PEBP4: variants seen among roughly 807,000 people sequenced by gnomAD.
PEBP4 encodes phosphatidylethanolamine-binding protein 4.
PEBP4 carries 22 observed loss-of-function variants against 23.9 expected under a neutral mutation model. The ratio of observed to expected loss-of-function variants is 0.92; its 90% CI spans 0.66 to 1.31. The LOEUF is 1.31. PEBP4 is among the 40% of genes most tolerant of loss of function. The pLI, the probability that PEBP4 is intolerant of heterozygous loss-of-function variation, is 0.00. For missense variants in PEBP4, 324 were observed against 281.7 expected (o/e 1.15, Z -1.07); for synonymous variants, 112 against 99.3 (o/e 1.13, Z -0.76).
At chr8:22,892,879 A>C (rs964068050) in intron 3 of PEBP4, among the ~76,000 whole-genome samples, 4 of 152,356 alleles carry the variant, frequency 2.6e-5, no homozygotes, top group African/African-American at 9.6e-5. Flanking sequence ...TCTAGGCAGC[A>C]GTACAGAAAG....
chr8:22,900,939 A>T (rs1808698574), intron 3 of PEBP4, among the ~76,000 whole-genome samples: 2 of 152,178 alleles, frequency 1.3e-5, no homozygotes, highest in Admixed American at 6.5e-5. Context: ...ACCGCCACAC[A>T]TCAGAAGGAC....
At chr8:22,818,751 G>A (rs1186259879) in intron 3 of PEBP4, among the ~76,000 whole-genome samples, 1 of 152,212 alleles carries the variant, frequency 6.6e-6, no homozygotes, top group African/African-American at 2.4e-5. Context: ...CAGTAGCATG[G>A]GAAGGATGTT....
Position 22,786,318 on chromosome 8 carries a change from T to G in PEBP4, c.357+31319A>C, listed in dbSNP as rs1429959728. Among the ~76,000 whole-genome samples the G allele has an allele frequency of 1.3e-5, 2 of 152,336 alleles. 1 individual carries two copies. The highest frequency in any genetic ancestry group is 3.9e-4 in the East Asian group (2 of 5,190). On this transcript the variant is annotated intron_variant, in intron 4 of 6. Coordinates refer to ENST00000256404, the MANE Select transcript of PEBP4 (RefSeq NM_144962.3). ...TTTTTTAAGAGACAGGGTCTTGCTC[T>G]GCTTCCCAGGCTGGAGTACAGTGGT... is the stretch of plus-strand genomic sequence containing the variant.
chr8:22,801,525 G>A (rs971451247), intron 4 of PEBP4, among the ~76,000 whole-genome samples: 49 of 152,176 alleles, frequency 3.2e-4, no homozygotes, highest in Admixed American at 2.0e-4. Context: ...AAGTAGTTGG[G>A]GAAAGGGTGA....
intron 3 of PEBP4, among the ~76,000 whole-genome samples, chr8:22,826,625 A>G (rs897432934): frequency 2.0e-5 from 3 of 152,262 alleles, no homozygotes; most frequent in Non-Finnish European, 4.4e-5. Context: ...GCTCTCCAGG[A>G]TAACTTTAGT....
intron 4 of PEBP4, among the ~76,000 whole-genome samples, chr8:22,742,784 C>G (rs773953142): frequency 1.3e-5 from 2 of 152,074 alleles, no homozygotes; most frequent in Admixed American, 6.5e-5. Flanking sequence ...TTTTCCACCC[C>G]GGTTCATACA....
chr8:22,806,594 G>A lies in PEBP4; in HGVS notation c.357+11043C>T, dbSNP rs573269435. Among the ~76,000 whole-genome samples, 5 of 140,292 alleles carry A rather than the reference G, an allele frequency of 3.6e-5. No individual in the cohort carries two copies. The South Asian group carries it at 1.1e-3, about 32-fold the overall frequency. The allele number at this position is 140,292 out of a possible 152,430, so 92.0% of individuals were successfully genotyped here. ...CATGCCACTGCACTCCAGCCTGGGT[G>A]ACAGAGCAAGACTGTGTCTCAAAAA... On this transcript the variant is annotated intron_variant, in intron 4 of 6. Coordinates refer to ENST00000256404, the MANE Select transcript of PEBP4 (RefSeq NM_144962.3).
intron 3 of PEBP4, among the ~76,000 whole-genome samples, chr8:22,872,268 T>A (rs992237106): frequency 6.6e-6 from 1 of 152,242 alleles, no homozygotes. Context: ...ACTCTATCCA[T>A]TGTCAGTAGA....
At chr8:22,800,071 G>A (rs1286859437) in intron 4 of PEBP4, among the ~76,000 whole-genome samples, 2 of 152,130 alleles carry the variant, frequency 1.3e-5, no homozygotes, top group Non-Finnish European at 2.9e-5. Context: ...GGATGAAGCT[G>A]GAAACCATCA....
chr8:22,812,989 T>C (rs1055961434), intron 4 of PEBP4, among the ~76,000 whole-genome samples: 2 of 152,188 alleles, frequency 1.3e-5, no homozygotes, highest in Admixed American at 1.3e-4. Context: ...CGCTCAGCAG[T>C]GGAACCGATC....
intron 4 of PEBP4, among the ~76,000 whole-genome samples, chr8:22,808,886 A>T (rs1806556846): frequency 6.6e-6 from 1 of 152,220 alleles, no homozygotes; most frequent in African/African-American, 2.4e-5. Context: ...TAGTAGCCAC[A>T]GTGCTGAGAG....
In PEBP4 at chr8:22,751,798, G is replaced by A. The variant is rs562531947; in HGVS notation, c.358-24578C>T. 2.8e-4 allele frequency among the ~76,000 whole-genome samples: 43 copies of A among 152,338 alleles called. No homozygotes were observed. In the East Asian group the frequency reaches 7.9e-3, roughly 28 times the overall value. Reference sequence around the variant, plus strand: ...CTCAGAGGCCCCAGATGTGGATGGGGCCCTTGGCCTCTGCCTGTTGCTGGC... The same window carrying A: ...CTCAGAGGCCCCAGATGTGGATGGGACCCTTGGCCTCTGCCTGTTGCTGGC... On this transcript the variant is annotated intron_variant, in intron 4 of 6. Transcript: ENST00000256404.
chr8:22,794,608 G>C (rs536879978), intron 4 of PEBP4, among the ~76,000 whole-genome samples: 130 of 152,290 alleles, frequency 8.5e-4, no homozygotes, highest in Non-Finnish European at 1.2e-3. Context: ...TTATCTTACT[G>C]ATTTGTAAGT....
chr8:22,940,396 G>A (rs1040941188), intron 1 of PEBP4, among the ~76,000 whole-genome samples: 2 of 151,970 alleles, frequency 1.3e-5, no homozygotes, highest in Non-Finnish European at 2.9e-5. Context: ...ACCTAGAAAC[G>A]CCATGAAGAA....
chr8:22,845,512 G>A (rs1315052111), intron 3 of PEBP4, among the ~76,000 whole-genome samples: 1 of 152,200 alleles, frequency 6.6e-6, no homozygotes, highest in Non-Finnish European at 1.5e-5. Context: ...AGCAGAGAGA[G>A]ACCTGTCTCA....
At chr8:22,920,053 A>C in intron 3 of PEBP4, 131 bp downstream of exon 3, 1 of 1,097,352 alleles carries the variant, frequency 9.1e-7, no homozygotes, top group Non-Finnish European at 1.3e-6. Context: ...TTATGGCAAC[A>C]GCCATCTGCA....
chr8:22,889,439 T>C (rs1381719411), intron 3 of PEBP4, among the ~76,000 whole-genome samples: 1 of 152,170 alleles, frequency 6.6e-6, no homozygotes, highest in Non-Finnish European at 1.5e-5. Flanking sequence ...CCTGTTCTCC[T>C]TTCTGCTCTA....
At chr8:22,807,115 G>A (rs1032064292) in intron 4 of PEBP4, among the ~76,000 whole-genome samples, 2 of 152,068 alleles carry the variant, frequency 1.3e-5, no homozygotes, top group Admixed American at 6.5e-5. Context: ...AAATGATTTC[G>A]TGATTGCAAA....
chr8:22,774,874 GGTCT>G (rs1805784927), intron 4 of PEBP4, among the ~76,000 whole-genome samples: 1 of 152,128 alleles, frequency 6.6e-6, no homozygotes, highest in African/African-American at 2.4e-5. Flanking sequence ...TTTCCCCCAT[GGTCT>G]TCTCGGTCTG....
Sources: gnomAD v4.1 joint callset for allele counts (sites outside exome capture counted in the v4.1 genomes callset) on GRCh38, gnomAD v4.1.1 for gene constraint, MANE v1.5 for transcripts, NCBI Gene and HGNC (gene_info 2026-07-23, HGNC 2026-07-21) for gene names.